The following XKR9 variants were observed in gnomAD, a reference collection of about 807,000 sequenced individuals.
XKR9 encodes XK-related protein 9.
Under a neutral mutation model 32.0 loss-of-function variants are expected in XKR9, and 32 were observed. The ratio of observed to expected loss-of-function variants is 1.00; its 90% CI spans 0.76 to 1.34. The LOEUF (loss-of-function observed/expected upper bound fraction) is 1.34, where lower values mean the gene tolerates loss of function less well. Among genes scored for constraint, XKR9 ranks in the 40% most tolerant of loss-of-function variants. The pLI is 0.00. For missense variants in XKR9, 546 were observed against 429.7 expected (o/e 1.27, Z -2.39); for synonymous variants, 168 against 143.4 (o/e 1.17, Z -1.22).
the XKR9 span, among the ~76,000 whole-genome samples, chr8:70,987,116 G>A: frequency 6.6e-6 from 1 of 152,162 alleles, no homozygotes; most frequent in Admixed American, 6.5e-5. Flanking sequence ...ATGGAATTAT[G>A]GGAGTATAAT....
the XKR9 span, among the ~76,000 whole-genome samples, chr8:70,954,135 T>G: frequency 6.6e-6 from 1 of 151,972 alleles, no homozygotes; most frequent in South Asian, 2.1e-4. Flanking sequence ...GGAGTAAGGT[T>G]GGTGTTTTTT....
At chr8:71,005,880 C>T in the XKR9 span, among the ~76,000 whole-genome samples, 2 of 152,168 alleles carry the variant, frequency 1.3e-5, no homozygotes, top group African/African-American at 2.4e-5. Flanking sequence ...TGAAAAGTTA[C>T]CAGTTTGGGA....
At chr8:70,770,204 C>T (rs1807435554) in intron 2 of XKR9, among the ~76,000 whole-genome samples, 1 of 152,184 alleles carries the variant, frequency 6.6e-6, no homozygotes, top group Non-Finnish European at 1.5e-5. Context: ...GTCCCCTCTT[C>T]TGCAGATCAG....
At chr8:70,801,904 C>T in the XKR9 span, among the ~76,000 whole-genome samples, 3 of 151,756 alleles carry the variant, frequency 2.0e-5, no homozygotes, top group Non-Finnish European at 4.4e-5. Flanking sequence ...GAACTGTTTC[C>T]CATTGTGTAA....
chr8:70,775,111 C>T (rs983822483), intron 2 of XKR9, among the ~76,000 whole-genome samples: 2 of 151,914 alleles, frequency 1.3e-5, no homozygotes, highest in Admixed American at 6.6e-5. Context: ...TTTTCTAAAT[C>T]TCATCTTCTA....
the XKR9 span, among the ~76,000 whole-genome samples, chr8:70,816,761 AAGTT>A: frequency 6.8e-6 from 1 of 146,194 alleles, no homozygotes; most frequent in African/African-American, 2.5e-5. Context: ...GCACATCAAA[AAGTT>A]AGTTCACCAT....
At chr8:70,967,561 A>C in the XKR9 span, among the ~76,000 whole-genome samples, 1 of 152,054 alleles carries the variant, frequency 6.6e-6, no homozygotes, top group African/African-American at 2.4e-5. Flanking sequence ...GTGCTTTTCT[A>C]GTGGCTGGTA....
intron 2 of XKR9, among the ~76,000 whole-genome samples, chr8:70,744,172 G>A (rs938264808): frequency 1.3e-5 from 2 of 152,008 alleles, no homozygotes; most frequent in African/African-American, 4.8e-5. Flanking sequence ...TTAGCTAGGT[G>A]TGGTAGCAGG....
the XKR9 span, among the ~76,000 whole-genome samples, chr8:70,960,247 C>A: frequency 1.1e-4 from 15 of 132,502 alleles, no homozygotes; most frequent in African/African-American, 3.3e-4. Context: ...CTCCGTCCCC[C>A]CCAAAAAAAA....
rs1166723489 is a variant in XKR9, at chr8:70,735,252, C to G, written c.*828C>G. On this transcript the variant is annotated 3_prime_UTR_variant, in exon 5 of 5. Coordinates refer to ENST00000408926, the MANE Select transcript of XKR9 (RefSeq NM_001011720.2). The stretch of plus-strand genomic sequence containing the variant: ...ATTCTCTATTTATTGAACAAATCCC[C>G]ATTTCCTCCTTCCCCAAGTCTCTCT... The G allele has an allele frequency of 6.6e-6, 1 of 151,766 alleles. No individual in the cohort carries two copies. The highest frequency in any genetic ancestry group is 2.4e-5 in the African/African-American group (1 of 41,328). The allele number at this position is 151,766 out of a possible 1,614,324, so 9.4% of individuals were successfully genotyped here.
chr8:70,984,121 C>CT, the XKR9 span, among the ~76,000 whole-genome samples: 1 of 152,168 alleles, frequency 6.6e-6, no homozygotes, highest in African/African-American at 2.4e-5. Flanking sequence ...GGTGTCTTTC[C>CT]TTTTTCTGGG....
the XKR9 span, among the ~76,000 whole-genome samples, chr8:70,838,556 G>A: frequency 6.6e-6 from 1 of 151,954 alleles, no homozygotes; most frequent in Non-Finnish European, 1.5e-5. Flanking sequence ...TCCCTACATT[G>A]CAAATGAGAA....
At chr8:70,833,418 C>T in the XKR9 span, among the ~76,000 whole-genome samples, 19 of 152,100 alleles carry the variant, frequency 1.2e-4, no homozygotes, top group South Asian at 1.0e-3. Context: ...TAACATTATA[C>T]AGGATATATT....
the XKR9 span, among the ~76,000 whole-genome samples, chr8:70,803,713 C>T: frequency 6.6e-6 from 1 of 152,176 alleles, no homozygotes; most frequent in Admixed American, 6.5e-5. Flanking sequence ...GAGGAGCATC[C>T]TTTGATAGCT....
At chr8:70,865,555 A>G in the XKR9 span, among the ~76,000 whole-genome samples, 5 of 151,770 alleles carry the variant, frequency 3.3e-5, no homozygotes, top group African/African-American at 1.2e-4. Context: ...TGCAATTGTA[A>G]TTATAATGGT....
the XKR9 span, among the ~76,000 whole-genome samples, chr8:71,009,068 T>C: frequency 6.6e-6 from 1 of 151,768 alleles, no homozygotes; most frequent in Non-Finnish European, 1.5e-5. Context: ...GGAGCTTAGA[T>C]ATTGGGAGAG....
At chr8:70,818,010 C>G in the XKR9 span, among the ~76,000 whole-genome samples, 1 of 152,120 alleles carries the variant, frequency 6.6e-6, no homozygotes, top group Non-Finnish European at 1.5e-5. Context: ...TCTAAACATT[C>G]TAGAAGAAAA....
chr8:70,683,429 A>G (rs1586809708), intron 3 of XKR9: 1 of 408,856 alleles, frequency 2.4e-6, no homozygotes, highest in East Asian at 7.6e-5. Context: ...TTACCCATAT[A>G]TTTATACTCT....
At chr8:71,022,638 C>G in the XKR9 span, among the ~76,000 whole-genome samples, 3 of 152,088 alleles carry the variant, frequency 2.0e-5, no homozygotes, top group Non-Finnish European at 4.4e-5. Context: ...TCTCCAAGCT[C>G]CCTGCATCTG....
Sources: gnomAD v4.1 joint callset for allele counts (sites outside exome capture counted in the v4.1 genomes callset) on GRCh38, gnomAD v4.1.1 for gene constraint, MANE v1.5 for transcripts, NCBI Gene and HGNC (gene_info 2026-07-23, HGNC 2026-07-21) for gene names.